RGS6: variants seen among roughly 807,000 people sequenced by gnomAD.
RGS6 encodes regulator of G-protein signaling 6.
RGS6 carries 30 observed loss-of-function variants against 78.5 expected under a neutral mutation model. The ratio of observed to expected loss-of-function variants is 0.38; its 90% confidence interval spans 0.29 to 0.52. RGS6 has a LOEUF of 0.52. Ranked by LOEUF, RGS6 falls within the 20% of genes least tolerant of loss-of-function variation. RGS6 has a pLI of 0.85. For synonymous variants in RGS6, 206 were observed against 206.0 expected (o/e 1.00, Z 0.00); for missense variants, 495 against 609.7 (o/e 0.81, Z 1.98).
At chr14:71,953,277 TTGTAA>T (rs1253631062) in intron 1 of RGS6, among the ~76,000 whole-genome samples, 1 of 152,050 alleles carries the variant, frequency 6.6e-6, no homozygotes, top group Non-Finnish European at 1.5e-5. Flanking sequence ...ACAGAAAAAA[TTGTAA>T]TGTAAAGGGC....
intron 2 of RGS6, among the ~76,000 whole-genome samples, chr14:72,065,219 C>T (rs2094085372): frequency 6.6e-6 from 1 of 152,120 alleles, no homozygotes; most frequent in African/African-American, 2.4e-5. Context: ...TTTGGTTTCT[C>T]ATTTTCCTAT....
At chr14:71,935,966 C>A (rs2089092667) in intron 1 of RGS6, among the ~76,000 whole-genome samples, 1 of 128,104 alleles carries the variant, frequency 7.8e-6, no homozygotes, top group Admixed American at 9.3e-5. Context: ...ACAGTGAAAA[C>A]TAGAGGGTTA....
chr14:71,892,673 A>G, the RGS6 span, among the ~76,000 whole-genome samples: 1 of 152,262 alleles, frequency 6.6e-6, no homozygotes, highest in East Asian at 1.9e-4. Flanking sequence ...CTGAGCAAAA[A>G]GAAATGGTAA....
chr14:72,176,993 T>C (rs942710824), intron 2 of RGS6, among the ~76,000 whole-genome samples: 2 of 152,224 alleles, frequency 1.3e-5, no homozygotes, highest in African/African-American at 4.8e-5. Context: ...ATGATATGTG[T>C]ACTTTTTTGT....
chr14:72,324,499 C>T (rs1206546018), intron 2 of RGS6, among the ~76,000 whole-genome samples: 1 of 152,160 alleles, frequency 6.6e-6, no homozygotes, highest in Non-Finnish European at 1.5e-5. Context: ...AATGCTATCC[C>T]TCCCCCATCC....
the RGS6 span, among the ~76,000 whole-genome samples, chr14:71,886,383 G>A: frequency 2.0e-5 from 3 of 152,184 alleles, no homozygotes; most frequent in African/African-American, 7.2e-5. Flanking sequence ...TGTGCACATT[G>A]CACAGTAGGC....
At chr14:72,579,332 T>C in the RGS6 span, among the ~76,000 whole-genome samples, 1 of 152,186 alleles carries the variant, frequency 6.6e-6, no homozygotes, top group Admixed American at 6.5e-5. Context: ...ACACGTACCA[T>C]CTTTAGTAAA....
chr14:72,095,765 GT>G (rs1374457905), intron 2 of RGS6, among the ~76,000 whole-genome samples: 5 of 152,148 alleles, frequency 3.3e-5, no homozygotes, highest in African/African-American at 1.2e-4. Context: ...AAAAATGAAT[GT>G]CATCACCATG....
chr14:72,363,289 G>A (rs1433570231), intron 3 of RGS6, among the ~76,000 whole-genome samples: 1 of 152,228 alleles, frequency 6.6e-6, no homozygotes, highest in African/African-American at 2.4e-5. Context: ...GGAGTGTGGA[G>A]ACTAGTTATG....
chr14:71,875,151 G>T, the RGS6 span, among the ~76,000 whole-genome samples: 2 of 152,066 alleles, frequency 1.3e-5, no homozygotes, highest in Non-Finnish European at 2.9e-5. Context: ...GGATGATGCT[G>T]GCCTCATAAA....
chr14:72,225,986 A>C lies in RGS6; in HGVS notation c.85-126109A>C, dbSNP rs1328440194. On this transcript the variant is annotated intron_variant, in intron 2 of 17. Transcript: ENST00000553525. ...GGGATTTTTGCTGCTGTTATGGTTA[A>C]TTTTGGAGTCTCTGAAGAAACAGGT... Among the ~76,000 whole-genome samples, 4 of 152,148 alleles carry C rather than the reference A, an allele frequency of 2.6e-5. No individual in the cohort carries two copies. In the East Asian group the frequency reaches 7.7e-4, roughly 29 times the overall value.
the RGS6 span, among the ~76,000 whole-genome samples, chr14:72,586,441 C>A: frequency 5.9e-5 from 9 of 152,182 alleles, no homozygotes; most frequent in Admixed American, 5.2e-4. Flanking sequence ...GTGGAAGCAG[C>A]CTCAAGTTCT....
chr14:71,922,746 T>C, the RGS6 span, among the ~76,000 whole-genome samples: 1 of 152,208 alleles, frequency 6.6e-6, no homozygotes, highest in African/African-American at 2.4e-5. Context: ...TTAAAAAAAT[T>C]ATTATGTTCT....
chr14:72,002,180 T>C (rs1378794603), intron 2 of RGS6, among the ~76,000 whole-genome samples: 2 of 152,136 alleles, frequency 1.3e-5, no homozygotes, highest in East Asian at 3.9e-4. Flanking sequence ...TGAGCCACTG[T>C]GCCCAGCATC....
intron 1 of RGS6, among the ~76,000 whole-genome samples, chr14:71,949,511 T>C (rs972411065): frequency 9.2e-5 from 14 of 152,298 alleles, no homozygotes; most frequent in African/African-American, 3.4e-4. Context: ...ATTAGATTTT[T>C]AATCTTTTTC....
At chr14:72,443,709 G>A (rs968356250) in intron 3 of RGS6, among the ~76,000 whole-genome samples, 2 of 152,166 alleles carry the variant, frequency 1.3e-5, no homozygotes, top group Non-Finnish European at 2.9e-5. Flanking sequence ...CAGCCATCAG[G>A]TCCCTCCCAG....
chr14:72,556,427 C>CACAT (rs2097576170), intron 17 of RGS6, among the ~76,000 whole-genome samples: 1 of 152,208 alleles, frequency 6.6e-6, no homozygotes, highest in Admixed American at 6.5e-5. Context: ...CCGCTCTCAA[C>CACAT]ACATGGGGAT....
intron 2 of RGS6, among the ~76,000 whole-genome samples, chr14:72,308,091 A>G (rs2067677870): frequency 6.6e-6 from 1 of 152,216 alleles, no homozygotes; most frequent in Admixed American, 6.5e-5. Context: ...TTCCAGGTGT[A>G]CAGTGATATC....
chr14:72,082,326 T>A (rs1233182593), intron 2 of RGS6, among the ~76,000 whole-genome samples: 11 of 152,164 alleles, frequency 7.2e-5, no homozygotes, highest in African/African-American at 2.4e-4. Flanking sequence ...TTCATCCATG[T>A]TTTATAGTTT....
Sources: allele counts gnomAD v4.1 joint callset (sites outside exome capture counted in the v4.1 genomes callset), GRCh38; gene constraint gnomAD v4.1.1; transcripts MANE v1.5; gene names NCBI Gene and HGNC (gene_info 2026-07-23, HGNC 2026-07-21).